Variants in KCNJ10 observed in about 807,000 individuals in gnomAD.
KCNJ10 encodes potassium inwardly rectifying channel subfamily J member 10.
Under a neutral mutation model 22.2 loss-of-function variants are expected in KCNJ10, and 9 were observed. That is an observed-to-expected ratio of 0.40 (90% confidence interval 0.24 to 0.71). KCNJ10 has a LOEUF of 0.71. KCNJ10 is among the 30% of genes least tolerant of loss of function. The pLI is 0.35. For missense variants in KCNJ10, 337 were observed against 482.7 expected, an observed-to-expected ratio of 0.70 and a Z score of 2.83; for synonymous variants, 184 against 187.3, an observed-to-expected ratio of 0.98 and a Z score of 0.15.
intron 1 of KCNJ10, among the ~76,000 whole-genome samples, chr1:160,047,952 G>T (rs1648786244): frequency 6.6e-6 from 1 of 152,206 alleles, no homozygotes; most frequent in South Asian, 2.1e-4. Flanking sequence ...TGTTGCCCAG[G>T]CTGGTCTCAA....
At chr1:160,053,527 T>G (rs545121801) in intron 1 of KCNJ10, among the ~76,000 whole-genome samples, 7 of 152,122 alleles carry the variant, frequency 4.6e-5, no homozygotes, top group Non-Finnish European at 1.0e-4. Context: ...TTAATCCGCC[T>G]CCTGTCTTGC....
intron 1 of KCNJ10, among the ~76,000 whole-genome samples, chr1:160,058,595 G>C (rs1571273529): frequency 6.6e-6 from 1 of 152,186 alleles, no homozygotes; most frequent in African/African-American, 2.4e-5. Flanking sequence ...TGTGACCAAG[G>C]ACAAGAGAAA....
intron 1 of KCNJ10, among the ~76,000 whole-genome samples, chr1:160,063,113 T>A (rs1320094638): frequency 6.6e-6 from 1 of 152,240 alleles, no homozygotes; most frequent in Non-Finnish European, 1.5e-5. Context: ...TGTTCTACAA[T>A]CTGTGAGGAG....
At chr1:160,063,353 T>C (rs7512587) in intron 1 of KCNJ10, 87,387 of 152,186 alleles carry the variant, frequency 0.57, 25,458 homozygotes, top group East Asian at 0.73. Flanking sequence ...GAAGCAGGGT[T>C]GCCCAATCAC....
chr1:160,057,087 T>A (rs1474258851), intron 1 of KCNJ10, among the ~76,000 whole-genome samples: 3 of 152,232 alleles, frequency 2.0e-5, no homozygotes, highest in Non-Finnish European at 4.4e-5. Context: ...AGAGCTCAGC[T>A]TCCTCATCTA....
intron 1 of KCNJ10, among the ~76,000 whole-genome samples, chr1:160,047,658 A>G (rs1430426392): frequency 1.3e-5 from 2 of 152,012 alleles, no homozygotes; most frequent in South Asian, 2.1e-4. Flanking sequence ...AAAACAATTC[A>G]TCTTCTCTGT....
At position 160,041,969 on chromosome 1, in the gene KCNJ10, G is replaced by A. The variant is rs1251516315; in HGVS notation, c.564C>T (p.Ala188=). 1 of 1,602,392 alleles carries A rather than the reference G, an allele frequency of 6.2e-7. No individual in the cohort carries two copies. The highest frequency in any genetic ancestry group is 1.1e-5 in the South Asian group (1 of 89,302). ...TIRFSQHAVV[A]SHNGKPCLMI... The stretch of plus-strand genomic sequence containing the variant: ...TGAGGCAGGGCTTGCCATTGTGGGA[G>A]GCCACAACTGCATGCTGGCTGAAAC... Residue 188 remains alanine (A), a synonymous_variant, in exon 2 of 2, where the codon GCC becomes GCT. Coordinates refer to ENST00000644903, the MANE Select transcript of KCNJ10 (RefSeq NM_002241.5). The surrounding 1 kb of genome is among the most constrained non-coding windows in gnomAD (Gnocchi z 4.4).
chr1:160,060,439 G>A (rs995153561), intron 1 of KCNJ10, among the ~76,000 whole-genome samples: 4 of 152,126 alleles, frequency 2.6e-5, no homozygotes, highest in East Asian at 1.9e-4. Flanking sequence ...TGGATGAGGC[G>A]GCTTAAGGAG....
At chr1:160,042,957 A>G (rs1648648029) in intron 1 of KCNJ10, among the ~76,000 whole-genome samples, 1 of 151,266 alleles carries the variant, frequency 6.6e-6, no homozygotes, top group Non-Finnish European at 1.5e-5. Context: ...AAAAGTAAAT[A>G]AAATAAAATA....
chr1:160,061,415 C>A (rs571303704), intron 1 of KCNJ10, among the ~76,000 whole-genome samples: 1 of 152,012 alleles, frequency 6.6e-6, no homozygotes, highest in Non-Finnish European at 1.5e-5. Flanking sequence ...CCTGTGCCAG[C>A]GAGGCCAGGT....
chr1:160,068,591 C>G (rs896259230), intron 1 of KCNJ10, among the ~76,000 whole-genome samples: 2 of 152,180 alleles, frequency 1.3e-5, no homozygotes, highest in Non-Finnish European at 2.9e-5. Flanking sequence ...TGGCATGATG[C>G]CTTCCATCCC....
intron 1 of KCNJ10, 105 bp from the exon 2 acceptor site, chr1:160,042,637 T>A: frequency 4.9e-6 from 5 of 1,030,176 alleles, no homozygotes; most frequent in Non-Finnish European, 7.4e-6. Context: ...GAATGTCGCT[T>A]ATGTGTTCTT....
At chr1:160,068,115 G>A (rs1649363891) in intron 1 of KCNJ10, 2 of 152,308 alleles carry the variant, frequency 1.3e-5, no homozygotes. Context: ...CCAGCGGGCA[G>A]ATCATTAATC....
Position 160,041,669 on chromosome 1 carries a change from C to G in KCNJ10, c.864G>C (p.Glu288Asp), listed in dbSNP as rs1205256758. 3 of 1,614,226 alleles carry G rather than the reference C, an allele frequency of 1.9e-6. No individual in the cohort carries two copies. The highest frequency in any genetic ancestry group is 2.5e-6 in the Non-Finnish European group (3 of 1,180,042). ...ELVLILSGTV[E>D]STSATCQVRT... is the part of the protein sequence containing the mutation. ...GCACCTGACAGGTGGCACTGGTGGA[C>G]TCCACTGTCCCACTTAGGATCAGCA... Residue 288 changes from glutamate (E) to aspartate (D), a missense_variant, in exon 2 of 2, where the codon GAG becomes GAC. This residue lies in a region of KCNJ10 where 165 missense variants were observed against 281.5 expected (regional missense o/e 0.59). Coordinates refer to ENST00000644903, the MANE Select transcript of KCNJ10 (RefSeq NM_002241.5). The surrounding 1 kb of genome is among the most constrained non-coding windows in gnomAD (Gnocchi z 4.4).
chr1:160,042,472 T>G lies in KCNJ10; in HGVS notation c.61A>C (p.Met21Leu). 1 of 1,613,824 alleles carries G rather than the reference T, an allele frequency of 6.2e-7. No homozygotes were observed. The highest frequency in any genetic ancestry group is 1.1e-5 in the South Asian group (1 of 91,066). Residue 21 changes from methionine (M) to leucine (L), a missense_variant, in exon 2 of 2, where the codon ATG becomes CTG. By Grantham distance (15) the Met-to-Leu change is conservative (BLOSUM62 2). Transcript: ENST00000644903. ...QTTQTESRPL[M>L]GPGIRRRRVL... ...CTCCGCCGTCGTATCCCTGGGCCCA[T>G]TAGGGGCCGGCTTTCTGTCTGAGTG...
At chr1:160,060,380 C>T (rs907043828) in intron 1 of KCNJ10, among the ~76,000 whole-genome samples, 6 of 152,040 alleles carry the variant, frequency 3.9e-5, no homozygotes, top group African/African-American at 1.4e-4. Context: ...AGAATCACAC[C>T]AGAGTATAAG....
chr1:160,057,272 T>G (rs540614742), intron 1 of KCNJ10, among the ~76,000 whole-genome samples: 1 of 152,350 alleles, frequency 6.6e-6, no homozygotes, highest in African/African-American at 2.4e-5. Flanking sequence ...TGCTGACGTT[T>G]ATTTAATGGC....
intron 1 of KCNJ10, among the ~76,000 whole-genome samples, chr1:160,043,316 A>ACACACACACCC (rs1557968547): frequency 4.2e-5 from 6 of 142,490 alleles, no homozygotes; most frequent in South Asian, 2.2e-4. Context: ...CACACACACA[A>ACACACACACCC]CCTTAATTTC....
At chr1:160,049,037 T>C (rs557148489) in intron 1 of KCNJ10, among the ~76,000 whole-genome samples, 1 of 152,352 alleles carries the variant, frequency 6.6e-6, no homozygotes, top group Non-Finnish European at 1.5e-5. Context: ...ATGGCATTCC[T>C]ATGAAATATT....
Sources: gnomAD v4.1 joint callset for allele counts (sites outside exome capture counted in the v4.1 genomes callset) on GRCh38, gnomAD v4.1.1 for gene constraint, gnomAD v4.1.1 regional missense constraint, Gnocchi (gnomAD v3.1) non-coding constraint, MANE v1.5 for transcripts, NCBI Gene and HGNC (gene_info 2026-07-23, HGNC 2026-07-21) for gene names.